The following CACNA1D variants were observed in gnomAD, a reference collection of about 807,000 sequenced individuals.
CACNA1D encodes voltage-dependent L-type calcium channel subunit alpha-1D.
Under a neutral mutation model 257.1 loss-of-function variants are expected in CACNA1D, and 55 were observed. That is an observed-to-expected ratio of 0.21 (90% CI 0.17 to 0.27). The LOEUF is 0.27. Ranked by LOEUF, CACNA1D falls within the 10% of genes least tolerant of loss-of-function variation. The pLI is 1.00. For missense variants in CACNA1D, 1,876 were observed against 2,784.0 expected (o/e 0.67, Z 7.34); for synonymous variants, 980 against 1,014.9 (o/e 0.97, Z 0.65).
chr3:53,568,169 C>T (rs899310535), intron 3 of CACNA1D, among the ~76,000 whole-genome samples: 5 of 152,140 alleles, frequency 3.3e-5, no homozygotes, highest in African/African-American at 9.7e-5. Context: ...GGTAAGACCT[C>T]AGACTTGCTT....
At chr3:53,771,189 C>G (rs545145228) in intron 32 of CACNA1D, among the ~76,000 whole-genome samples, 1 of 152,250 alleles carries the variant, frequency 6.6e-6, no homozygotes, top group East Asian at 1.9e-4. Flanking sequence ...TGGACTGATT[C>G]CATTTGGAAG....
At chr3:53,727,758 C>T (rs887562370) in intron 15 of CACNA1D, among the ~76,000 whole-genome samples, 1 of 152,182 alleles carries the variant, frequency 6.6e-6, no homozygotes, top group African/African-American at 2.4e-5. Context: ...GATACTACAT[C>T]TGGGTTTTCA....
At chr3:53,709,969 C>G (rs2094732752) in intron 9 of CACNA1D, among the ~76,000 whole-genome samples, 1 of 152,184 alleles carries the variant, frequency 6.6e-6, no homozygotes, top group African/African-American at 2.4e-5. Context: ...GGGGTTAGAC[C>G]TGGCCTGTCA....
chr3:53,606,330 C>T (rs1407764318), intron 3 of CACNA1D, among the ~76,000 whole-genome samples: 1 of 152,218 alleles, frequency 6.6e-6, no homozygotes, highest in Non-Finnish European at 1.5e-5. Flanking sequence ...GGAGGGAGGC[C>T]ATGTCAGTTA....
At chr3:53,523,802 G>T (rs544757079) in intron 3 of CACNA1D, among the ~76,000 whole-genome samples, 1 of 152,214 alleles carries the variant, frequency 6.6e-6, no homozygotes, top group Admixed American at 6.5e-5. Flanking sequence ...CCTATCTCTA[G>T]AATCTATTTT....
chr3:53,790,756 A>G (rs763551991), intron 40 of CACNA1D, among the ~76,000 whole-genome samples: 2 of 152,196 alleles, frequency 1.3e-5, no homozygotes, highest in African/African-American at 2.4e-5. Flanking sequence ...ATAAAGACAG[A>G]AGAAAATGGG....
At chr3:53,681,542 C>T (rs1190987266) in intron 8 of CACNA1D, among the ~76,000 whole-genome samples, 1 of 152,024 alleles carries the variant, frequency 6.6e-6, no homozygotes, top group African/African-American at 2.4e-5. Context: ...ACTGGGGTTA[C>T]AGTGGTGGAA....
In CACNA1D at chr3:53,718,379, G is replaced by A. The variant is rs749519475; in HGVS notation, c.1469G>A (p.Gly490Glu). The A allele has an allele frequency of 3.0e-5, 48 of 1,613,868 alleles. No individual in the cohort carries two copies. The highest frequency in any genetic ancestry group is 3.9e-5 in the Non-Finnish European group (46 of 1,179,858). ...SGEGENRGCC[G>E]SLCQAISKSK... is the part of the protein sequence containing the mutation. ...GAAGGCGAGAACCGAGGCTGCTGTGGAAGTCTCTGGTGAGTGTGGGGAGCA... is the reference window on the plus strand; with the variant it reads ...GAAGGCGAGAACCGAGGCTGCTGTGAAAGTCTCTGGTGAGTGTGGGGAGCA... The change falls in exon 10 of 48, where the codon GGA becomes GAA. Residue 490 changes from glycine to glutamate, a missense_variant. By Grantham distance (98) the Gly-to-Glu change is moderately conservative (BLOSUM62 -2). This residue lies in a region of CACNA1D where 257 missense variants were observed against 399.7 expected (regional missense o/e 0.64). Coordinates refer to ENST00000350061, the MANE Select transcript of CACNA1D (RefSeq NM_001128840.3).
chr3:53,629,824 C>A (rs898516706), intron 3 of CACNA1D, among the ~76,000 whole-genome samples: 1 of 152,148 alleles, frequency 6.6e-6, no homozygotes, highest in Non-Finnish European at 1.5e-5. Context: ...ACTAACTCTG[C>A]CAGTGCGTTC....
chr3:53,741,167 C>T (rs554827729), intron 21 of CACNA1D, among the ~76,000 whole-genome samples: 2 of 152,270 alleles, frequency 1.3e-5, no homozygotes, highest in East Asian at 3.9e-4. Context: ...CACAGCAGAG[C>T]TCCAAGAACC....
At chr3:53,662,081 C>G (rs1191631916) in intron 5 of CACNA1D, among the ~76,000 whole-genome samples, 1 of 152,156 alleles carries the variant, frequency 6.6e-6, no homozygotes, top group Non-Finnish European at 1.5e-5. Flanking sequence ...GATTTCTTCT[C>G]TAGTACTTGA....
chr3:53,624,995 C>CGT (rs1308592618), intron 3 of CACNA1D, among the ~76,000 whole-genome samples: 2 of 152,090 alleles, frequency 1.3e-5, no homozygotes, highest in Non-Finnish European at 2.9e-5. Flanking sequence ...GGGGGAAGAA[C>CGT]GTGTGTGTGT....
intron 3 of CACNA1D, among the ~76,000 whole-genome samples, chr3:53,535,346 A>G (rs1320131733): frequency 6.6e-6 from 1 of 152,202 alleles, no homozygotes; most frequent in Non-Finnish European, 1.5e-5. Flanking sequence ...TCCATCTGCA[A>G]GGTATCTGGA....
At position 53,755,278 on chromosome 3, in the gene CACNA1D, C is replaced by T. The variant is rs138435638; in HGVS notation, c.3786+1596C>T. Among the ~76,000 whole-genome samples the T allele has an allele frequency of 3.3e-3, 508 of 152,290 alleles. 4 individuals are homozygous for T. Among genetic ancestry groups the T allele is most frequent in the African/African-American group, 0.011 (465 of 41,548 alleles). ...GATTAAGCTCTGAAGTTTTTGAAAG[C>T]TTGCTCTAGGCTGAAGAGAAAGCAC... On this transcript the variant is annotated intron_variant, in intron 29 of 47. Transcript: ENST00000350061.
intron 25 of CACNA1D, 76 bp downstream of exon 25, chr3:53,745,951 G>C (rs1045190108): frequency 1.7e-6 from 2 of 1,186,528 alleles, no homozygotes; most frequent in Admixed American, 3.5e-5. Flanking sequence ...ATGTTGGCAC[G>C]TCAGAAGTTT....
intron 9 of CACNA1D, among the ~76,000 whole-genome samples, chr3:53,711,115 G>A (rs999637940): frequency 6.6e-6 from 1 of 152,172 alleles, no homozygotes; most frequent in African/African-American, 2.4e-5. Flanking sequence ...GTGTGGTGGT[G>A]CATGCCTATA....
intron 11 of CACNA1D, 118 bp downstream of exon 11, chr3:53,719,899 G>T: frequency 1.1e-6 from 1 of 938,542 alleles, no homozygotes. Flanking sequence ...TTATAACATT[G>T]ATACTGAATT....
intron 21 of CACNA1D, 76 bp downstream of exon 21, chr3:53,740,415 C>A: frequency 1.0e-6 from 1 of 987,398 alleles, no homozygotes; most frequent in Non-Finnish European, 1.6e-6. Flanking sequence ...TGTTTGCCTT[C>A]CAGATGCTAG....
chr3:53,673,617 A>G lies in CACNA1D; in HGVS notation c.1220+491A>G. ...CCCAGTCCCTGTCCTAGGAGCACTA[A>G]CCTTCAGCAAAGCACTGAGAGGTTT... is the stretch of plus-strand genomic sequence containing the variant. On this transcript the variant is annotated intron_variant, in intron 8 of 47. Coordinates refer to ENST00000350061, the MANE Select transcript of CACNA1D (RefSeq NM_001128840.3). The surrounding 1 kb of genome is among the most constrained non-coding windows in gnomAD (Gnocchi z 4.1). 2 of 914,296 alleles carry G rather than the reference A, an allele frequency of 2.2e-6. No individual in the cohort carries two copies. Among genetic ancestry groups the G allele is most frequent in the South Asian group, 2.6e-5 (2 of 76,246 alleles). The allele number at this position is 914,296 out of a possible 1,614,324, so 56.6% of individuals were successfully genotyped here.
Sources: gnomAD v4.1 joint callset for allele counts (sites outside exome capture counted in the v4.1 genomes callset) on GRCh38, gnomAD v4.1.1 for gene constraint, gnomAD v4.1.1 regional missense constraint, Gnocchi (gnomAD v3.1) non-coding constraint, MANE v1.5 for transcripts, NCBI Gene and HGNC (gene_info 2026-07-23, HGNC 2026-07-21) for gene names.